Variants in FGF12 observed in about 807,000 individuals in gnomAD.
FGF12 encodes fibroblast growth factor 12.
In FGF12, 14 loss-of-function variants were observed where a neutral mutation model predicts 23.6. The ratio of observed to expected loss-of-function variants is 0.59; its 90% confidence interval spans 0.39 to 0.93. FGF12 has a LOEUF of 0.93. Ranked by LOEUF, FGF12 falls within the 40% of genes least tolerant of loss-of-function variation. The probability of loss-of-function intolerance (pLI) is 0.00; values close to 1 mark genes in which losing one functional copy is unlikely to be tolerated. For missense variants in FGF12, 175 were observed against 217.8 expected (o/e 0.80, Z 1.24); for synonymous variants, 62 against 77.3 (o/e 0.80, Z 1.04).
intron 4 of FGF12, among the ~76,000 whole-genome samples, chr3:192,246,158 G>T (rs1212093445): frequency 6.6e-6 from 1 of 151,950 alleles, no homozygotes; most frequent in Admixed American, 6.6e-5. Flanking sequence ...TCAAGGCAAG[G>T]CTCATAAACT....
At chr3:192,491,533 C>T (rs1283645911) in intron 2 of FGF12, among the ~76,000 whole-genome samples, 1 of 152,122 alleles carries the variant, frequency 6.6e-6, no homozygotes, top group Non-Finnish European at 1.5e-5. Flanking sequence ...TCACTTGACA[C>T]CACCTTTAGC....
At chr3:192,722,542 T>C (rs1020359504) in intron 2 of FGF12, among the ~76,000 whole-genome samples, 1 of 152,176 alleles carries the variant, frequency 6.6e-6, no homozygotes, top group African/African-American at 2.4e-5. Flanking sequence ...TGCAGGTCTC[T>C]CTTGAGAGAG....
At chr3:192,313,219 T>C (rs1716050316) in intron 4 of FGF12, among the ~76,000 whole-genome samples, 1 of 152,218 alleles carries the variant, frequency 6.6e-6, no homozygotes, top group Non-Finnish European at 1.5e-5. Context: ...GGAAGGTTTT[T>C]CATTTTACTT....
intron 4 of FGF12, among the ~76,000 whole-genome samples, chr3:192,334,347 T>C (rs898014221): frequency 3.3e-5 from 5 of 152,116 alleles, no homozygotes; most frequent in Non-Finnish European, 7.4e-5. Flanking sequence ...AAGAGCCTAA[T>C]GAAAATTAGT....
At chr3:192,668,491 CCCACT>C (rs1008101052) in intron 2 of FGF12, among the ~76,000 whole-genome samples, 1 of 152,144 alleles carries the variant, frequency 6.6e-6, no homozygotes, top group African/African-American at 2.4e-5. Flanking sequence ...AAGAGTTCTT[CCCACT>C]CTCCTAGGTC....
rs115872863 is a variant in FGF12, at chr3:192,298,996, C to T, written c.228+36365G>A. 9.9e-3 allele frequency among the ~76,000 whole-genome samples: 1,513 copies of T among 152,260 alleles called. 24 individuals carry two copies. The highest frequency in any genetic ancestry group is 0.034 in the African/African-American group (1,426 of 41,550). On this transcript the variant is annotated intron_variant, in intron 4 of 5. Coordinates refer to ENST00000445105, the MANE Select transcript of FGF12 (RefSeq NM_004113.6). ...TCATTCAATTCCTCAAGAATGGCAC[C>T]AGGCAATTCATAAAGGATGTGCTTC...
intron 2 of FGF12, among the ~76,000 whole-genome samples, chr3:192,453,539 G>A (rs1002277084): frequency 6.6e-6 from 1 of 151,970 alleles, no homozygotes; most frequent in African/African-American, 2.4e-5. Flanking sequence ...GGATCTATTT[G>A]TCTCCTAGGG....
At chr3:192,299,159 T>C (rs1294049288) in intron 4 of FGF12, among the ~76,000 whole-genome samples, 3 of 152,222 alleles carry the variant, frequency 2.0e-5, no homozygotes, top group Admixed American at 2.0e-4. Flanking sequence ...GTAGTTTTAC[T>C]TGGGTTTTGC....
intron 4 of FGF12, among the ~76,000 whole-genome samples, chr3:192,247,087 AGG>A (rs1711665318): frequency 1.5e-5 from 2 of 137,496 alleles, no homozygotes; most frequent in African/African-American, 5.3e-5. Context: ...GAAGGAAGGA[AGG>A]AAGGAAGGAA....
At chr3:192,450,042 T>C (rs73066289) in intron 2 of FGF12, among the ~76,000 whole-genome samples, 116 of 152,302 alleles carry the variant, frequency 7.6e-4, no homozygotes, top group African/African-American at 2.7e-3. Flanking sequence ...GGTTTCTGTC[T>C]CCTGAGTTGA....
At chr3:192,672,863 A>G (rs1177409701) in intron 2 of FGF12, 1 of 150,902 alleles carries the variant, frequency 6.6e-6, no homozygotes, top group Non-Finnish European at 1.5e-5. Context: ...ATTTCAGTGG[A>G]TATTTTATGA....
intron 2 of FGF12, among the ~76,000 whole-genome samples, chr3:192,637,660 G>A (rs1715633845): frequency 6.6e-6 from 1 of 152,108 alleles, no homozygotes; most frequent in Non-Finnish European, 1.5e-5. Flanking sequence ...CGCCAGAACT[G>A]GAAGGGATCT....
intron 4 of FGF12, among the ~76,000 whole-genome samples, chr3:192,257,457 C>G (rs937996558): frequency 3.3e-5 from 5 of 152,068 alleles, no homozygotes; most frequent in African/African-American, 9.7e-5. Context: ...CGTGCACATC[C>G]CTGACTTTTG....
intron 2 of FGF12, among the ~76,000 whole-genome samples, chr3:192,370,957 C>T (rs1479454550): frequency 2.0e-5 from 3 of 152,198 alleles, no homozygotes; most frequent in African/African-American, 2.4e-5. Context: ...GAAAGCTTAA[C>T]GCAGGCATTC....
At chr3:192,425,367 G>A (rs1721660453) in intron 2 of FGF12, among the ~76,000 whole-genome samples, 1 of 152,088 alleles carries the variant, frequency 6.6e-6, no homozygotes, top group South Asian at 2.1e-4. Context: ...AGTGACATGA[G>A]AACTGCCCAC....
At chr3:192,573,875 G>T (rs1712761880) in intron 2 of FGF12, among the ~76,000 whole-genome samples, 1 of 152,158 alleles carries the variant, frequency 6.6e-6, no homozygotes, top group African/African-American at 2.4e-5. Flanking sequence ...CCTCTTACAT[G>T]TTCAGCAAGT....
chr3:192,635,710 C>CT (rs1715553401), intron 2 of FGF12, among the ~76,000 whole-genome samples: 1 of 152,066 alleles, frequency 6.6e-6, no homozygotes, highest in African/African-American at 2.4e-5. Context: ...TCTTTCTGTT[C>CT]TTTTTTTACG....
At chr3:192,519,767 T>C (rs1724770488) in intron 2 of FGF12, among the ~76,000 whole-genome samples, 1 of 152,194 alleles carries the variant, frequency 6.6e-6, no homozygotes, top group African/African-American at 2.4e-5. Context: ...TACATTTATT[T>C]ATGTATTCAG....
chr3:192,508,639 C>T (rs1577026501), intron 2 of FGF12, among the ~76,000 whole-genome samples: 1 of 152,160 alleles, frequency 6.6e-6, no homozygotes, highest in African/African-American at 2.4e-5. Flanking sequence ...ATGGGCAAAG[C>T]TAAGTAGACT....
Sources: allele counts gnomAD v4.1 joint callset (sites outside exome capture counted in the v4.1 genomes callset), GRCh38; gene constraint gnomAD v4.1.1; transcripts MANE v1.5; gene names NCBI Gene and HGNC (gene_info 2026-07-23, HGNC 2026-07-21).